LHX4: variants seen among roughly 807,000 people sequenced by gnomAD.
The protein encoded by LHX4 is LIM/homeobox protein Lhx4.
LHX4 carries 16 observed loss-of-function variants against 39.2 expected under a neutral mutation model. The ratio of observed to expected loss-of-function variants is 0.41; its 90% CI spans 0.28 to 0.62. The LOEUF (loss-of-function observed/expected upper bound fraction) is 0.62, where lower values mean the gene tolerates loss of function less well. LHX4 is among the 20% of genes least tolerant of loss of function. The probability of loss-of-function intolerance (pLI) is 0.33; values close to 1 mark genes in which losing one functional copy is unlikely to be tolerated. For missense variants in LHX4, 439 were observed against 511.9 expected (o/e 0.86, Z 1.37); for synonymous variants, 206 against 198.1 (o/e 1.04, Z -0.33).
rs1558207094 is a variant in LHX4 at position 180,234,173 on chromosome 1, A to ATG, written c.76+3569_76+3570insGT. On this transcript the variant is annotated intron_variant, in intron 1 of 5. Coordinates refer to ENST00000263726, the MANE Select transcript of LHX4 (RefSeq NM_033343.4). This position sits in a 1 kb window ranked among gnomAD's most constrained non-coding sequence, Gnocchi z 4.8. ...GACACACACAACACACACAAATTAT[A>ATG]TATATATATATATATATATATATAT... Among the ~76,000 whole-genome samples the ATG allele has an allele frequency of 4.1e-4, 4 of 9,862 alleles. No homozygotes were observed. Among genetic ancestry groups the ATG allele is most frequent in the Admixed American group, 1.7e-3 (3 of 1,718 alleles). The allele number at this position is 9,862 out of a possible 152,430, so 6.5% of individuals were successfully genotyped here. A position where few individuals can be genotyped will look rare whatever the true frequency, so the allele number is the denominator to read the frequency against.
intron 2 of LHX4, among the ~76,000 whole-genome samples, chr1:180,253,107 A>G (rs1647696398): frequency 6.6e-6 from 1 of 152,078 alleles, no homozygotes; most frequent in Non-Finnish European, 1.5e-5. Flanking sequence ...AGGAGAGCCC[A>G]CCCCTGGTGC....
At chr1:180,228,747 C>T (rs989268346), upstream of LHX4, among the ~76,000 whole-genome samples, 1 of 152,172 alleles carries the variant, frequency 6.6e-6, no homozygotes, top group African/African-American at 2.4e-5. Context: ...GCAGCGCAGA[C>T]GACCAGGCCA....
At position 180,271,467 on chromosome 1, in the gene LHX4, C is replaced by T; in HGVS notation, c.539C>T (p.Pro180Leu). ...TTAAAGAATGCATACAAGAACTCCCCCAAGCCTGCCCGGCACGTGAGGGAG... is the reference window on the plus strand; with the variant it reads ...TTAAAGAATGCATACAAGAACTCCCTCAAGCCTGCCCGGCACGTGAGGGAG... ...ETLKNAYKNSPKPARHVREQL... is the reference protein window; with the variant it reads ...ETLKNAYKNSLKPARHVREQL... Residue 180 changes from proline to leucine, a missense_variant, in exon 4 of 6, where the codon CCC (proline) becomes CTC (leucine). Physicochemically the swap from Pro to Leu is moderately conservative, Grantham distance 98 (BLOSUM62 -3). Transcript: ENST00000263726. 1 of 1,614,188 alleles carries T rather than the reference C, an allele frequency of 6.2e-7. No individual in the cohort carries two copies.
chr1:180,230,719 C>A lies in LHX4; in HGVS notation c.76+114C>A. The A allele has an allele frequency of 1.0e-6, 1 of 994,834 alleles. No homozygotes were observed. Among genetic ancestry groups the A allele is most frequent in the Non-Finnish European group, 1.6e-6 (1 of 641,050 alleles). The allele number at this position is 994,834 out of a possible 1,614,324, so 61.6% of individuals were successfully genotyped here. ...GGCCGGGAGGGGCTGGCGGCCGGGG[C>A]GCAGAGGCGGTCACAGGGCAGGGGC... On this transcript the variant is annotated intron_variant, in intron 1 of 5. Transcript: ENST00000263726. This position sits in a 1 kb window ranked among gnomAD's most constrained non-coding sequence, Gnocchi z 5.8.
In LHX4 at chr1:180,255,330, A is replaced by ACACACATG. The variant is rs113342969; in HGVS notation, c.248+6889_248+6896dup. Among the ~76,000 whole-genome samples, 138 of 152,312 alleles carry ACACACATG rather than the reference A, an allele frequency of 9.1e-4. 1 individual carries two copies. The highest frequency in any genetic ancestry group is 1.7e-3 in the Non-Finnish European group (119 of 68,016). On this transcript the variant is annotated intron_variant, in intron 2 of 5. Coordinates refer to ENST00000263726, the MANE Select transcript of LHX4 (RefSeq NM_033343.4). The stretch of plus-strand genomic sequence containing the variant: ...CATGCAGGCATGATCGTGCGTACAC[A>ACACACATG]CACACATGCACACATGCACACACAT...
At position 180,274,237 on chromosome 1, in the gene LHX4, G is replaced by T; in HGVS notation, c.831G>T (p.Val277=). Residue 277 remains valine (V), a synonymous_variant, in exon 6 of 6, where the codon GTG becomes GTT. Transcript: ENST00000263726. Reference sequence around the variant, plus strand: ...ACACCAATAGGATTTATGGCAACGTGGGGGACGTTACAGGCGGACAGTTAA... The same window carrying T: ...ACACCAATAGGATTTATGGCAACGTTGGGGACGTTACAGGCGGACAGTTAA... ...LGHTNRIYGN[V]GDVTGGQLMN... The T allele has an allele frequency of 6.2e-7, 1 of 1,614,188 alleles. No individual in the cohort carries two copies. Among genetic ancestry groups the T allele is most frequent in the Non-Finnish European group, 8.5e-7 (1 of 1,180,002 alleles).
chr1:180,257,589 A>G (rs1343801939), intron 2 of LHX4, among the ~76,000 whole-genome samples: 3 of 152,218 alleles, frequency 2.0e-5, no homozygotes, highest in Admixed American at 6.5e-5. Context: ...TATGTTGGAA[A>G]TATTGGTACA....
In LHX4 at chr1:180,277,483, G is replaced by T. The variant is rs1020308361; in HGVS notation, c.*2904G>T. ...TAGAGTAGGAAGCTCTTGAATCCAG[G>T]AGCAAATTAGTTAAAACCCCAAGTT... On this transcript the variant is annotated 3_prime_UTR_variant, in exon 6 of 6. Transcript: ENST00000263726. The T allele has an allele frequency of 5.3e-5, 8 of 152,174 alleles. No individual in the cohort carries two copies. The highest frequency in any genetic ancestry group is 1.7e-4 in the African/African-American group (7 of 41,444). The allele number at this position is 152,174 out of a possible 1,614,324, so 9.4% of individuals were successfully genotyped here. A position where few individuals can be genotyped will look rare whatever the true frequency, so the allele number is the denominator to read the frequency against.
intron 3 of LHX4, among the ~76,000 whole-genome samples, chr1:180,268,349 C>G (rs181633823): frequency 1.3e-5 from 2 of 152,278 alleles, no homozygotes; most frequent in East Asian, 3.9e-4. Context: ...GTGGGTGGTT[C>G]AAGAGACAAG....
intron 1 of LHX4, among the ~76,000 whole-genome samples, chr1:180,247,779 C>T (rs560037494): frequency 1.8e-4 from 28 of 152,272 alleles, no homozygotes; most frequent in African/African-American, 6.5e-4. Context: ...GATCACTGCC[C>T]GCCCCCTCCC....
chr1:180,268,385 T>TAG (rs1648424808), intron 3 of LHX4, among the ~76,000 whole-genome samples: 1 of 152,204 alleles, frequency 6.6e-6, no homozygotes, highest in Non-Finnish European at 1.5e-5. Flanking sequence ...TTGGTCAGAA[T>TAG]CTGGCTGGGG....
intron 2 of LHX4, 26 bp downstream of exon 2, chr1:180,248,482 G>A: frequency 6.2e-7 from 1 of 1,612,878 alleles, no homozygotes; most frequent in Non-Finnish European, 8.5e-7. Flanking sequence ...CCGTCTCGTG[G>A]CCCTGGCCTG....
chr1:180,269,701 CA>C (rs1164229497), intron 3 of LHX4: 2 of 152,218 alleles, frequency 1.3e-5, no homozygotes, highest in African/African-American at 4.8e-5. Flanking sequence ...AGATTGTACA[CA>C]AGTGCACTAT....
intron 1 of LHX4, among the ~76,000 whole-genome samples, chr1:180,247,907 C>T (rs1412924383): frequency 1.3e-5 from 2 of 152,094 alleles, no homozygotes; most frequent in South Asian, 2.1e-4. Flanking sequence ...GTGAAAATGT[C>T]GTGGAAACAG....
At position 180,266,319 on chromosome 1, in the gene LHX4, T is replaced by G. The variant is rs1648310694; in HGVS notation, c.249-73T>G. 1 of 1,473,870 alleles carries G rather than the reference T, an allele frequency of 6.8e-7. No homozygotes were observed. Among genetic ancestry groups the G allele is most frequent in the African/African-American group, 1.4e-5 (1 of 72,154 alleles). 91.3% of individuals were successfully genotyped at this position (1,473,870 alleles called of 1,614,324 possible). On this transcript the variant is annotated intron_variant, in intron 2 of 5. Transcript: ENST00000263726. The surrounding 1 kb of genome is among the most constrained non-coding windows in gnomAD (Gnocchi z 5.7). ...CGGAGTGGTGGGGTAGGAGGGAGGCTGCTCCAGGAAGTTGGGGGAAGCCAG... is the reference window on the plus strand; with the variant it reads ...CGGAGTGGTGGGGTAGGAGGGAGGCGGCTCCAGGAAGTTGGGGGAAGCCAG...
chr1:180,229,963 G>GGGGGC (rs1558204889), upstream of LHX4, among the ~76,000 whole-genome samples: 16 of 78,272 alleles, frequency 2.0e-4, 1 homozygote, highest in Non-Finnish European at 2.8e-4. Flanking sequence ...CGGAGGCGGG[G>GGGGGC]AGGGGGGGGG....
upstream of LHX4, chr1:180,230,225 G>A (rs1354169717): frequency 8.5e-6 from 4 of 471,884 alleles, no homozygotes; most frequent in African/African-American, 4.1e-5. This position sits in a 1 kb window ranked among gnomAD's most constrained non-coding sequence, Gnocchi z 5.8. Context: ...GGAGGGGGAG[G>A]GGGAAGGAGC....
At chr1:180,233,847 C>T (rs1038125524) in intron 1 of LHX4, among the ~76,000 whole-genome samples, 1 of 151,950 alleles carries the variant, frequency 6.6e-6, no homozygotes, top group African/African-American at 2.4e-5. Flanking sequence ...AAAATGCTTC[C>T]GGCAAGCTCT....
At chr1:180,244,318 C>G (rs1647304455) in intron 1 of LHX4, among the ~76,000 whole-genome samples, 2 of 152,152 alleles carry the variant, frequency 1.3e-5, no homozygotes, top group Non-Finnish European at 2.9e-5. Context: ...TTTTGCCAAG[C>G]CAGAGGGCCC....
Sources: allele counts gnomAD v4.1 joint callset (sites outside exome capture counted in the v4.1 genomes callset), GRCh38; gene constraint gnomAD v4.1.1; non-coding constraint Gnocchi (gnomAD v3.1); transcripts MANE v1.5; gene names NCBI Gene and HGNC (gene_info 2026-07-23, HGNC 2026-07-21).